Variants in MED23 observed in about 807,000 individuals in gnomAD.
MED23 encodes mediator complex subunit 23, also known as mediator of RNA polymerase II transcription subunit 23.
Under a neutral mutation model 163.9 loss-of-function variants are expected in MED23, and 105 were observed. That is an observed-to-expected ratio of 0.64 (90% CI 0.55 to 0.75). MED23 has a LOEUF of 0.75. Ranked by LOEUF, MED23 falls within the 30% of genes least tolerant of loss-of-function variation. MED23 has a pLI of 0.00. For missense variants in MED23, 1,054 were observed against 1,649.0 expected (o/e 0.64, Z 6.25); for synonymous variants, 561 against 565.6 (o/e 0.99, Z 0.12).
chr6:131,622,146 C>A (rs1777157578), intron 5 of MED23, among the ~76,000 whole-genome samples, 167 bp from the exon 6 acceptor site: 1 of 152,056 alleles, frequency 6.6e-6, no homozygotes, highest in Non-Finnish European at 1.5e-5. Flanking sequence ...GAGTCATGTT[C>A]CAAAACAGAG....
chr6:131,598,257 GA>G lies in MED23; in HGVS notation c.2607+29del, dbSNP rs1429137362. Reference sequence around the variant, plus strand: ...ATTAGTCATACATCTTGATCTAAGAGAATAAGCTTAGAAATGTATTTATTCT... The same window carrying G: ...ATTAGTCATACATCTTGATCTAAGAGATAAGCTTAGAAATGTATTTATTCT... On this transcript the variant is annotated intron_variant, in intron 20 of 28. Transcript: ENST00000368068. This position sits in a 1 kb window ranked among gnomAD's most constrained non-coding sequence, Gnocchi z 4.7. 1 of 1,587,268 alleles carries G rather than the reference GA, an allele frequency of 6.3e-7. No homozygotes were observed. The highest frequency in any genetic ancestry group is 1.3e-5 in the African/African-American group (1 of 74,346).
chr6:131,614,971 C>A lies in MED23; in HGVS notation c.876+936G>T, dbSNP rs1195432197. ...AAAATTCCACCAGGCTAGCTTTAGC[C>A]CTAAAGTAGGAAAAAGTAAATGGAG... On this transcript the variant is annotated intron_variant, in intron 10 of 28. Coordinates refer to ENST00000368068, the MANE Select transcript of MED23 (RefSeq NM_004830.4). Among the ~76,000 whole-genome samples, 3 of 147,348 alleles carry A rather than the reference C, an allele frequency of 2.0e-5. No individual in the cohort carries two copies. In the East Asian group the frequency reaches 5.9e-4, roughly 29 times the overall value.
rs192715984 is a variant in MED23 at position 131,590,807 on chromosome 6, C to T, written c.3687-365G>A. ...CTAATTCTTTTATTTTTAGTAGAGA[C>T]GGGGTTTCACCATGTTGGCCAGGAT... On this transcript the variant is annotated intron_variant, in intron 26 of 28. Transcript: ENST00000368068. Among the ~76,000 whole-genome samples, 316 of 151,852 alleles carry T rather than the reference C, an allele frequency of 2.1e-3. 1 individual carries two copies. Among genetic ancestry groups the T allele is most frequent in the African/African-American group, 7.4e-3 (308 of 41,406 alleles).
downstream of MED23, among the ~76,000 whole-genome samples, chr6:131,581,839 T>C (rs940146519): frequency 3.3e-5 from 5 of 152,210 alleles, no homozygotes; most frequent in African/African-American, 1.2e-4. Flanking sequence ...TCAGATATAA[T>C]GGTTTATGAA....
At chr6:131,624,072 A>C (rs1027099365) in intron 4 of MED23, among the ~76,000 whole-genome samples, 3 of 152,224 alleles carry the variant, frequency 2.0e-5, no homozygotes, top group African/African-American at 7.2e-5. Flanking sequence ...GCTTTCGGTT[A>C]GATGTTTACC....
In MED23 at chr6:131,598,802, G is replaced by C. The variant is rs560834740; in HGVS notation, c.2221-41C>G. The C allele has an allele frequency of 2.2e-5, 34 of 1,565,760 alleles. No individual in the cohort carries two copies. The South Asian group carries it at 3.2e-4, about 15-fold the overall frequency. The stretch of plus-strand genomic sequence containing the variant: ...GAAGTTTATTTCATTGGTTATAGTA[G>C]AAAGAGCACTGGATATGGAGTTAAT... On this transcript the variant is annotated intron_variant, in intron 18 of 28. Transcript: ENST00000368068. The surrounding 1 kb of genome is among the most constrained non-coding windows in gnomAD (Gnocchi z 4.7).
rs140458124 is a variant in MED23 at position 131,603,678 on chromosome 6, G to A, written c.1757-474C>T. On this transcript the variant is annotated intron_variant, in intron 15 of 28. Transcript: ENST00000368068. ...TTAAAATTAAGACTATGCTGTATTC[G>A]TGAAAAGCTGGAATTACCATGAATC... Among the ~76,000 whole-genome samples the A allele has an allele frequency of 9.7e-3, 1,483 of 152,104 alleles. 18 individuals carry two copies. The highest frequency in any genetic ancestry group is 0.015 in the Admixed American group (230 of 15,264).
rs372496306 is a variant in MED23 at position 131,619,807 on chromosome 6, A to T, written c.667+20T>A. 6.4e-7 allele frequency: 1 copy of T among 1,565,190 alleles called. No homozygotes were observed. Among genetic ancestry groups the T allele is most frequent in the Non-Finnish European group, 8.8e-7 (1 of 1,136,470 alleles). On this transcript the variant is annotated intron_variant, in intron 8 of 28. Transcript: ENST00000368068. ...CTAAAAATCAGGTACTATTTGGCAT[A>T]TTTAAAATTATAATCCTACCACAAA... is the stretch of plus-strand genomic sequence containing the variant.
intron 12 of MED23, among the ~76,000 whole-genome samples, 166 bp from the exon 13 acceptor site, chr6:131,606,790 A>G (rs1775885448): frequency 5.3e-5 from 8 of 152,164 alleles, no homozygotes; most frequent in Admixed American, 5.2e-4. Flanking sequence ...ACAGCCATAA[A>G]ATTTTGAAAT....
At chr6:131,620,179 TGAAA>T (rs1441441041) in intron 7 of MED23, among the ~76,000 whole-genome samples, 4 of 152,016 alleles carry the variant, frequency 2.6e-5, no homozygotes, top group South Asian at 2.1e-4. Context: ...GAAATGGAAA[TGAAA>T]GAAATACATC....
In MED23 at chr6:131,596,666, T is replaced by C; in HGVS notation, c.2630A>G (p.Asn877Ser). 6.2e-7 allele frequency: 1 copy of C among 1,614,108 alleles called. No individual in the cohort carries two copies. The highest frequency in any genetic ancestry group is 8.5e-7 in the Non-Finnish European group (1 of 1,180,006). The change falls in exon 21 of 29, where the codon AAT becomes AGT. Residue 877 changes from asparagine (N) to serine (S), a missense_variant. By Grantham distance (46) the Asn-to-Ser change is conservative (BLOSUM62 1). This residue lies in a region of MED23 where 228 missense variants were observed against 461.3 expected (regional missense o/e 0.49). Coordinates refer to ENST00000368068, the MANE Select transcript of MED23 (RefSeq NM_004830.4). ...LCLAMRSHEGNEAQVCYFIIQ... is the reference protein window; with the variant it reads ...LCLAMRSHEGSEAQVCYFIIQ... ...TATGAAATAACAAACCTGGGCTTCATTTCCTTCGTGACTACGCATGGCCTT... is the reference window on the plus strand; with the variant it reads ...TATGAAATAACAAACCTGGGCTTCACTTCCTTCGTGACTACGCATGGCCTT...
At chr6:131,604,481 T>C (rs887985114) in intron 14 of MED23, among the ~76,000 whole-genome samples, 161 bp from the exon 15 acceptor site, 1 of 152,212 alleles carries the variant, frequency 6.6e-6, no homozygotes, top group Non-Finnish European at 1.5e-5. Context: ...TTGGTAAGGA[T>C]GCACTGCACA....
intron 30 of MED23, among the ~76,000 whole-genome samples, chr6:131,580,062 A>C (rs902030371): frequency 6.6e-6 from 1 of 152,204 alleles, no homozygotes; most frequent in South Asian, 2.1e-4. Context: ...CATTACAAAT[A>C]ATGTGGCAAA....
chr6:131,618,327 C>A (rs546156167), intron 9 of MED23, 80 bp downstream of exon 9: 4 of 924,778 alleles, frequency 4.3e-6, no homozygotes. Context: ...TATGAAGCAA[C>A]AATTTAGCAT....
chr6:131,607,601 C>A (rs1053388770), intron 12 of MED23, among the ~76,000 whole-genome samples: 4 of 152,008 alleles, frequency 2.6e-5, no homozygotes, highest in Admixed American at 1.3e-4. Flanking sequence ...AAATGGCAAT[C>A]ATCAAAATAC....
chr6:131,600,506 C>G (rs1403553508), intron 17 of MED23, among the ~76,000 whole-genome samples: 1 of 152,092 alleles, frequency 6.6e-6, no homozygotes, highest in Non-Finnish European at 1.5e-5. Context: ...GCCAAGGGAA[C>G]AGAATAAAGA....
intron 30 of MED23, among the ~76,000 whole-genome samples, chr6:131,575,768 G>A (rs1292850132): frequency 3.3e-5 from 5 of 152,184 alleles, no homozygotes; most frequent in African/African-American, 4.8e-5. Flanking sequence ...ATTGTTCAGG[G>A]GACTGAGGAA....
At chr6:131,627,113 C>T (rs950762019) in intron 3 of MED23, 1 of 347,868 alleles carries the variant, frequency 2.9e-6, no homozygotes, top group Non-Finnish European at 5.2e-6. Flanking sequence ...CAAATAAATC[C>T]GAATAGGATG....
At chr6:131,592,620 A>G in intron 24 of MED23, 160 bp from the exon 25 acceptor site, 3 of 683,656 alleles carry the variant, frequency 4.4e-6, no homozygotes, top group Non-Finnish European at 7.6e-6. Context: ...AAAATGTAAT[A>G]TGCATAAAAA....
Sources: gnomAD v4.1 joint callset for allele counts (sites outside exome capture counted in the v4.1 genomes callset) on GRCh38, gnomAD v4.1.1 for gene constraint, gnomAD v4.1.1 regional missense constraint, Gnocchi (gnomAD v3.1) non-coding constraint, MANE v1.5 for transcripts, NCBI Gene and HGNC (gene_info 2026-07-23, HGNC 2026-07-21) for gene names.